The following NOL4 variants were observed in gnomAD, a reference collection of about 807,000 sequenced individuals.
NOL4 encodes the protein nucleolar protein 4.
NOL4 carries 17 observed loss-of-function variants against 75.9 expected under a neutral mutation model. The observed-to-expected ratio is 0.22, with a 90% CI of 0.15 to 0.34. The LOEUF (loss-of-function observed/expected upper bound fraction) is 0.34, where lower values mean the gene tolerates loss of function less well. NOL4 is among the 10% of genes least tolerant of loss of function. The probability of loss-of-function intolerance (pLI) is 1.00; values close to 1 mark genes in which losing one functional copy is unlikely to be tolerated. For missense variants in NOL4, 614 were observed against 793.5 expected, an observed-to-expected ratio of 0.77 and a Z score of 2.72; for synonymous variants, 292 against 289.9, an observed-to-expected ratio of 1.01 and a Z score of -0.07.
At chr18:34,132,077 G>A (rs1170661309) in intron 1 of NOL4, among the ~76,000 whole-genome samples, 5 of 152,142 alleles carry the variant, frequency 3.3e-5, no homozygotes, top group African/African-American at 7.2e-5. Flanking sequence ...CCCATTCTTT[G>A]CCTCTTCCAG....
chr18:33,952,381 G>A (rs1013824891), intron 8 of NOL4, among the ~76,000 whole-genome samples: 4 of 152,126 alleles, frequency 2.6e-5, no homozygotes, highest in African/African-American at 4.8e-5. Context: ...GAAAGAAGGA[G>A]CAGCAGTCTC....
chr18:34,180,123 T>C (rs192892363), intron 1 of NOL4, among the ~76,000 whole-genome samples: 1,718 of 151,650 alleles, frequency 0.011, 20 homozygotes, highest in Non-Finnish European at 0.018. Flanking sequence ...AGGAAACACT[T>C]ACCAATGCAT....
intron 6 of NOL4, among the ~76,000 whole-genome samples, chr18:34,012,174 G>A (rs17816647): frequency 0.15 from 22,980 of 151,806 alleles, 2,155 homozygotes; most frequent in East Asian, 0.38. Flanking sequence ...AAAGGACACT[G>A]ATTTGGGTGT....
intron 10 of NOL4, among the ~76,000 whole-genome samples, chr18:33,857,571 T>A (rs955897777): frequency 8.6e-5 from 13 of 151,906 alleles, no homozygotes; most frequent in Admixed American, 4.6e-4. Flanking sequence ...TCAGAAAAAA[T>A]TTAATATTAG....
chr18:33,874,371 A>T (rs987328365), intron 10 of NOL4, among the ~76,000 whole-genome samples: 1 of 151,988 alleles, frequency 6.6e-6, no homozygotes, highest in East Asian at 1.9e-4. Context: ...GATATGAAAC[A>T]TTCTTCTTCT....
At chr18:33,944,816 G>A (rs1219710190) in intron 8 of NOL4, among the ~76,000 whole-genome samples, 2 of 151,792 alleles carry the variant, frequency 1.3e-5, no homozygotes, top group East Asian at 3.9e-4. Context: ...AACTCATATT[G>A]CTTCTTCATT....
chr18:34,095,957 T>C (rs986147168), intron 4 of NOL4, among the ~76,000 whole-genome samples: 7 of 142,224 alleles, frequency 4.9e-5, no homozygotes, highest in African/African-American at 1.2e-4. Context: ...AATGTATATG[T>C]ATATGAGGAT....
At chr18:33,949,941 A>T (rs543951673) in intron 8 of NOL4, among the ~76,000 whole-genome samples, 2 of 152,130 alleles carry the variant, frequency 1.3e-5, no homozygotes, top group East Asian at 3.9e-4. Context: ...CTGAAATAAC[A>T]TGCTTTAATT....
intron 1 of NOL4, among the ~76,000 whole-genome samples, chr18:34,148,664 G>A (rs896243010): frequency 6.6e-6 from 1 of 152,024 alleles, no homozygotes; most frequent in African/African-American, 2.4e-5. Context: ...TAAGTGAGAC[G>A]TGGTGCTTAG....
At position 33,884,909 on chromosome 18, in the gene NOL4, C is replaced by G. The variant is rs558354109; in HGVS notation, c.1543-1485G>C. 5.9e-5 allele frequency among the ~76,000 whole-genome samples: 9 copies of G among 152,196 alleles called. No individual in the cohort carries two copies. In the South Asian group the frequency reaches 1.9e-3, roughly 32 times the overall value. The stretch of plus-strand genomic sequence containing the variant: ...TCAGCATAACACAGTTATGGCTTTG[C>G]TCTTGTTCATCAAACTGAATCAAAT... On this transcript the variant is annotated intron_variant, in intron 9 of 10. Transcript: ENST00000261592.
chr18:34,151,580 C>A (rs902656481), intron 1 of NOL4, among the ~76,000 whole-genome samples: 1 of 151,840 alleles, frequency 6.6e-6, no homozygotes, highest in Admixed American at 6.6e-5. Flanking sequence ...CAAAGCACAA[C>A]ATATATTTAG....
At chr18:33,868,377 T>C (rs902336288) in intron 10 of NOL4, among the ~76,000 whole-genome samples, 3 of 151,904 alleles carry the variant, frequency 2.0e-5, no homozygotes, top group African/African-American at 4.8e-5. Context: ...CAGACATATA[T>C]AGAAAAATGG....
intron 2 of NOL4, among the ~76,000 whole-genome samples, chr18:34,114,496 T>C (rs975870587): frequency 2.6e-5 from 4 of 152,186 alleles, no homozygotes; most frequent in Admixed American, 6.5e-5. Context: ...CACGGCCACA[T>C]TGAACCTTAA....
At chr18:34,025,359 C>T (rs2075290238) in intron 5 of NOL4, among the ~76,000 whole-genome samples, 1 of 152,114 alleles carries the variant, frequency 6.6e-6, no homozygotes, top group Non-Finnish European at 1.5e-5. Flanking sequence ...TTACCTGGGT[C>T]AAGTGTATGT....
intron 1 of NOL4, chr18:34,221,910 C>A: frequency 1.2e-6 from 1 of 838,500 alleles, no homozygotes; most frequent in Non-Finnish European, 1.9e-6. Flanking sequence ...GAAACAGTTG[C>A]CAGTACAGGA....
At chr18:34,075,869 A>G (rs1374681257) in intron 5 of NOL4, among the ~76,000 whole-genome samples, 1 of 152,192 alleles carries the variant, frequency 6.6e-6, no homozygotes, top group African/African-American at 2.4e-5. Flanking sequence ...ATATATTTCC[A>G]TAAAAGCAGA....
intron 1 of NOL4, among the ~76,000 whole-genome samples, chr18:34,191,904 T>C (rs2034945973): frequency 6.6e-6 from 1 of 152,124 alleles, no homozygotes; most frequent in Non-Finnish European, 1.5e-5. Flanking sequence ...TGGTTAAAAA[T>C]TCCTCTACCT....
intron 1 of NOL4, among the ~76,000 whole-genome samples, chr18:34,202,515 A>G (rs2146493858): frequency 6.6e-6 from 1 of 152,068 alleles, no homozygotes; most frequent in South Asian, 2.1e-4. Flanking sequence ...AGACCTGTCA[A>G]TTTTCCCAAC....
At chr18:33,979,277 T>C (rs1394831277) in intron 6 of NOL4, among the ~76,000 whole-genome samples, 1 of 151,972 alleles carries the variant, frequency 6.6e-6, no homozygotes, top group Non-Finnish European at 1.5e-5. Context: ...AACAGAAGGA[T>C]GAGAGGGCAA....
Sources: allele counts gnomAD v4.1 joint callset (sites outside exome capture counted in the v4.1 genomes callset), GRCh38; gene constraint gnomAD v4.1.1; transcripts MANE v1.5; gene names NCBI Gene and HGNC (gene_info 2026-07-23, HGNC 2026-07-21).